The following NTM variants were observed in gnomAD, a reference collection of about 807,000 sequenced individuals.
NTM encodes the protein IgLON family member 2.
Under a neutral mutation model 42.1 loss-of-function variants are expected in NTM, and 13 were observed. The ratio of observed to expected loss-of-function variants is 0.31; its 90% CI spans 0.20 to 0.49. The LOEUF is 0.49. Among genes scored for constraint, NTM ranks in the 20% least tolerant of loss-of-function variants. NTM has a pLI of 0.99. For missense variants in NTM, 373 were observed against 452.8 expected (o/e 0.82, Z 1.60); for synonymous variants, 187 against 179.2 (o/e 1.04, Z -0.35).
intron 1 of NTM, among the ~76,000 whole-genome samples, chr11:131,762,715 A>T (rs192817216): frequency 6.6e-6 from 1 of 152,134 alleles, no homozygotes; most frequent in Non-Finnish European, 1.5e-5. Context: ...TCCCCAATAG[A>T]CTGCTCCTCT....
chr11:131,707,964 G>T (rs540522422), intron 1 of NTM, among the ~76,000 whole-genome samples: 4 of 152,182 alleles, frequency 2.6e-5, no homozygotes, highest in African/African-American at 9.6e-5. Context: ...AATTGAAAAA[G>T]AAGTAAAATT....
At chr11:131,835,134 A>G (rs2043326232) in intron 1 of NTM, among the ~76,000 whole-genome samples, 1 of 152,168 alleles carries the variant, frequency 6.6e-6, no homozygotes, top group African/African-American at 2.4e-5. Flanking sequence ...ATTTTAGGAG[A>G]TGGTAGATAC....
chr11:132,329,819 T>G (rs552349295), intron 7 of NTM, among the ~76,000 whole-genome samples: 1 of 152,354 alleles, frequency 6.6e-6, no homozygotes, highest in African/African-American at 2.4e-5. Flanking sequence ...GTTTGGTGTC[T>G]CAGGCTCCAA....
intron 1 of NTM, among the ~76,000 whole-genome samples, chr11:131,637,296 T>C (rs1341714134): frequency 6.6e-6 from 1 of 151,838 alleles, no homozygotes; most frequent in Non-Finnish European, 1.5e-5. Flanking sequence ...AGAAAGCAAC[T>C]AAATCACAAG....
intron 3 of NTM, among the ~76,000 whole-genome samples, chr11:132,206,811 A>C (rs1002579499): frequency 5.3e-5 from 8 of 152,174 alleles, no homozygotes; most frequent in Admixed American, 4.6e-4. Flanking sequence ...TTTGAGGTGA[A>C]GCCATCTCTG....
chr11:131,479,164 A>C (rs1046685674), intron 1 of NTM, among the ~76,000 whole-genome samples: 4 of 152,244 alleles, frequency 2.6e-5, no homozygotes, highest in Non-Finnish European at 4.4e-5. Context: ...TTTTGTATAG[A>C]GATAAATTAG....
intron 2 of NTM, among the ~76,000 whole-genome samples, chr11:132,023,486 C>A (rs1234379237): frequency 1.3e-5 from 2 of 152,140 alleles, no homozygotes; most frequent in Non-Finnish European, 2.9e-5. Flanking sequence ...ACCCTGGCTG[C>A]AGGGCTGGCG....
intron 1 of NTM, among the ~76,000 whole-genome samples, chr11:131,642,518 C>T (rs968155013): frequency 6.6e-6 from 1 of 152,148 alleles, no homozygotes; most frequent in African/African-American, 2.4e-5. Context: ...TCCCTGGAGC[C>T]CATAAATTTG....
chr11:131,630,277 T>C (rs962595265), intron 1 of NTM, among the ~76,000 whole-genome samples: 2 of 152,168 alleles, frequency 1.3e-5, no homozygotes, highest in African/African-American at 4.8e-5. Flanking sequence ...TATCTAAAAA[T>C]CTGATATTCC....
chr11:132,262,709 G>A (rs1165777437), intron 4 of NTM, among the ~76,000 whole-genome samples: 1 of 152,150 alleles, frequency 6.6e-6, no homozygotes, highest in Non-Finnish European at 1.5e-5. Flanking sequence ...GAATTTTGGA[G>A]GAACACAAAC....
At chr11:132,125,736 G>T (rs2136995815) in intron 2 of NTM, among the ~76,000 whole-genome samples, 1 of 151,966 alleles carries the variant, frequency 6.6e-6, no homozygotes, top group African/African-American at 2.4e-5. Flanking sequence ...ATGTGTGTGT[G>T]GTATGTGGTG....
chr11:131,515,381 C>T (rs424284), intron 1 of NTM, among the ~76,000 whole-genome samples: 20,467 of 152,222 alleles, frequency 0.13, 1,752 homozygotes, highest in Middle Eastern at 0.2. Flanking sequence ...GAGCCCAGTC[C>T]TCTCCCTGTG....
chr11:131,554,598 G>A (rs2055150985), intron 1 of NTM, among the ~76,000 whole-genome samples: 1 of 151,028 alleles, frequency 6.6e-6, no homozygotes, highest in Admixed American at 6.6e-5. Context: ...CTATTTCTTA[G>A]CACTCTGGTC....
intron 1 of NTM, among the ~76,000 whole-genome samples, chr11:131,652,731 G>A (rs967779814): frequency 6.6e-6 from 1 of 152,136 alleles, no homozygotes; most frequent in African/African-American, 2.4e-5. Flanking sequence ...ACTTAGACCT[G>A]CTTTCTCAAT....
chr11:132,100,009 T>C (rs2061447554), intron 2 of NTM, among the ~76,000 whole-genome samples: 1 of 152,110 alleles, frequency 6.6e-6, no homozygotes, highest in Admixed American at 6.5e-5. Flanking sequence ...CCTAAACTTC[T>C]CCTTTGAGAC....
chr11:131,926,590 C>T (rs1028847359), intron 2 of NTM, among the ~76,000 whole-genome samples: 5 of 152,002 alleles, frequency 3.3e-5, no homozygotes, highest in East Asian at 1.9e-4. Flanking sequence ...GGGGGGTCCT[C>T]GGTGTCTGTA....
chr11:132,247,311 C>T (rs1338479582), intron 4 of NTM, among the ~76,000 whole-genome samples: 1 of 152,164 alleles, frequency 6.6e-6, no homozygotes, highest in African/African-American at 2.4e-5. Flanking sequence ...GGTTTTAAGC[C>T]CAATGTTGCC....
chr11:132,294,867 A>G (rs987438585), intron 4 of NTM, among the ~76,000 whole-genome samples: 15 of 152,306 alleles, frequency 9.8e-5, no homozygotes, highest in African/African-American at 3.1e-4. Flanking sequence ...AACCTAATTG[A>G]TGATGACATA....
At chr11:131,482,156 G>A (rs996587123) in intron 1 of NTM, among the ~76,000 whole-genome samples, 4 of 152,234 alleles carry the variant, frequency 2.6e-5, no homozygotes, top group Non-Finnish European at 4.4e-5. Context: ...TTTTCATGTC[G>A]TACTCATTAG....
Sources: gnomAD v4.1 joint callset for allele counts (sites outside exome capture counted in the v4.1 genomes callset) on GRCh38, gnomAD v4.1.1 for gene constraint, MANE v1.5 for transcripts, NCBI Gene and HGNC (gene_info 2026-07-23, HGNC 2026-07-21) for gene names.